LRRC56: variants seen among roughly 807,000 people sequenced by gnomAD.
LRRC56 encodes leucine-rich repeat-containing protein 56.
In LRRC56, 41 loss-of-function variants were observed where a neutral mutation model predicts 47.8. The ratio of observed to expected loss-of-function variants is 0.86; its 90% CI spans 0.67 to 1.11. The LOEUF (loss-of-function observed/expected upper bound fraction) is 1.11. LRRC56 is among the 50% of genes most tolerant of loss of function. LRRC56 has a pLI of 0.00. For synonymous variants in LRRC56, 387 were observed against 311.2 expected, an observed-to-expected ratio of 1.24 and a Z score of -2.56; for missense variants, 759 against 704.2, an observed-to-expected ratio of 1.08 and a Z score of -0.88.
the LRRC56 span, chr11:532,388 G>A: frequency 1.7e-6 from 1 of 596,282 alleles, no homozygotes; most frequent in East Asian, 2.8e-5. Context: ...AGGGTCTGCA[G>A]TCACCTCGGC....
the LRRC56 span, among the ~76,000 whole-genome samples, chr11:511,709 A>G: frequency 3.3e-5 from 5 of 152,220 alleles, no homozygotes; most frequent in African/African-American, 9.6e-5. Context: ...TGGGGGCCTC[A>G]GATACAAGAT....
chr11:534,030 GCCCCTCATGC>G, upstream of LRRC56: 1 of 1,410,290 alleles, frequency 7.1e-7, no homozygotes, highest in Non-Finnish European at 9.9e-7. Flanking sequence ...TACCTCTCAT[GCCCCTCATGC>G]CCCCTCCTCT....
At position 540,731 on chromosome 11, in the gene LRRC56, C is replaced by A; in HGVS notation, c.47C>A (p.Ser16Tyr). Residue 16 changes from serine to tyrosine, a missense_variant, in exon 4 of 14, where the codon TCC becomes TAC. By Grantham distance (144) the Ser-to-Tyr change is moderately radical (BLOSUM62 -2). Coordinates refer to ENST00000270115, the MANE Select transcript of LRRC56 (RefSeq NM_198075.4). ...TCCCGTGGGCCTCGGCGGAGCACCT[C>A]CAGCGTCCGGGTGCGGGAGCTGAGC... ...DRSRGPRRST[S>Y]SVRVRELSWQ... The A allele has an allele frequency of 6.2e-7, 1 of 1,612,564 alleles. No individual in the cohort carries two copies. Among genetic ancestry groups the A allele is most frequent in the Non-Finnish European group, 8.5e-7 (1 of 1,179,844 alleles).
At chr11:533,807 G>A (rs111372582), upstream of LRRC56, 69 of 1,613,252 alleles carry the variant, frequency 4.3e-5, no homozygotes, top group Non-Finnish European at 5.6e-5. Flanking sequence ...TGTTGTTGAT[G>A]GCAAACACAC....
rs555652106 is a variant in LRRC56 at position 551,237 on chromosome 11, G to A, written c.731G>A (p.Arg244Gln). The change falls in exon 9 of 14, where the codon CGG becomes CAG. Residue 244 changes from arginine (R) to glutamine (Q), a missense_variant. Transcript: ENST00000270115. ...CACACAGGCCCACCGGCCCCCCCGC[G>A]GCTGAGCCAGGACTGGCTTGCGGTG... ...AAHTGPPAPP[R>Q]LSQDWLAVKE... is the part of the protein sequence containing the mutation. 1.4e-5 allele frequency: 21 copies of A among 1,545,242 alleles called. No homozygotes were observed. In the African/African-American group the frequency reaches 1.9e-4, roughly 14 times the overall value.
At chr11:549,107 C>T (rs1462530984) in intron 6 of LRRC56, among the ~76,000 whole-genome samples, 1 of 152,134 alleles carries the variant, frequency 6.6e-6, no homozygotes, top group African/African-American at 2.4e-5. Context: ...GCTGAAAACA[C>T]AGTGGGCGGA....
At chr11:508,519 C>A in the LRRC56 span, among the ~76,000 whole-genome samples, 5 of 152,338 alleles carry the variant, frequency 3.3e-5, no homozygotes, top group South Asian at 1.0e-3. Context: ...GTAACCCCAA[C>A]ACTTTGGGAG....
intron 5 of LRRC56, among the ~76,000 whole-genome samples, chr11:543,879 G>T (rs1395827124): frequency 6.6e-6 from 1 of 152,178 alleles, no homozygotes; most frequent in Admixed American, 6.5e-5. Context: ...CTCCCGTGTA[G>T]CTGGGACTAC....
chr11:534,589 G>A (rs1467182915), upstream of LRRC56: 12 of 565,232 alleles, frequency 2.1e-5, no homozygotes, highest in Non-Finnish European at 1.9e-5. Flanking sequence ...ACCCAGTGAT[G>A]GGAAAAGGGA....
At position 541,522 on chromosome 11, in the gene LRRC56, G is replaced by A. The variant is rs372325567; in HGVS notation, c.178-15G>A. The A allele has an allele frequency of 4.2e-5, 64 of 1,515,472 alleles. No homozygotes were observed. Among genetic ancestry groups the A allele is most frequent in the Non-Finnish European group, 5.4e-5 (61 of 1,119,538 alleles). 93.9% of individuals were successfully genotyped at this position (1,515,472 alleles called of 1,614,324 possible). A position where few individuals can be genotyped will look rare whatever the true frequency, so the allele number is the denominator to read the frequency against. On this transcript the variant is annotated splice_polypyrimidine_tract_variant and intron_variant, in intron 4 of 13. Coordinates refer to ENST00000270115, the MANE Select transcript of LRRC56 (RefSeq NM_198075.4). This position sits in a 1 kb window ranked among gnomAD's most constrained non-coding sequence, Gnocchi z 4.1. ...AGAGCCAGGACCAGCGCTGACCCCC[G>A]GTTGGTTTCTACAGCAGGCCCTGGC...
intron 13 of LRRC56, 93 bp downstream of exon 13, chr11:552,795 C>T: frequency 1.9e-6 from 2 of 1,068,006 alleles, no homozygotes; most frequent in Non-Finnish European, 2.7e-6. Flanking sequence ...GATGTGTCAA[C>T]CTGGCCCTGC....
chr11:539,128 T>G (rs1851659830), intron 2 of LRRC56, among the ~76,000 whole-genome samples: 1 of 152,248 alleles, frequency 6.6e-6, no homozygotes, highest in Non-Finnish European at 1.5e-5. Context: ...TCGCCCAGGC[T>G]GGAGTGCAGT....
At chr11:548,052 G>A (rs1852179185) in intron 6 of LRRC56, among the ~76,000 whole-genome samples, 1 of 152,148 alleles carries the variant, frequency 6.6e-6, no homozygotes, top group South Asian at 2.1e-4. Flanking sequence ...CTTGAACCTG[G>A]GAGGCAGAGG....
chr11:524,705 C>T, the LRRC56 span, among the ~76,000 whole-genome samples: 1 of 152,200 alleles, frequency 6.6e-6, no homozygotes. Flanking sequence ...AGTGTGGGAA[C>T]AACTGGGCAT....
the LRRC56 span, among the ~76,000 whole-genome samples, chr11:522,760 T>C: frequency 6.6e-6 from 1 of 152,182 alleles, no homozygotes; most frequent in Admixed American, 6.5e-5. Flanking sequence ...TCTTTTCTTT[T>C]GAGACAGAGT....
the LRRC56 span, among the ~76,000 whole-genome samples, chr11:527,643 T>C: frequency 6.6e-6 from 1 of 151,652 alleles, no homozygotes; most frequent in Non-Finnish European, 1.5e-5. Context: ...GCCATTCTCC[T>C]GCCTCAGCCT....
chr11:521,784 G>A, the LRRC56 span, among the ~76,000 whole-genome samples: 2,058 of 152,050 alleles, frequency 0.014, 25 homozygotes, highest in Middle Eastern at 0.034. Flanking sequence ...ACGTGGTGGC[G>A]AGCGCCTGTA....
At chr11:536,484 A>G (rs1851499695), upstream of LRRC56, among the ~76,000 whole-genome samples, 1 of 152,238 alleles carries the variant, frequency 6.6e-6, no homozygotes, top group African/African-American at 2.4e-5. Flanking sequence ...TAAAAAACAA[A>G]AAGGGCCGGG....
At chr11:539,550 ATTTT>A (rs5789201) in intron 2 of LRRC56, 26 bp from the exon 3 acceptor site, 27,146 of 129,326 alleles carry the variant, frequency 0.21, 2,914 homozygotes, top group Admixed American at 0.28. Context: ...ACGCCAGCTA[ATTTT>A]TTTTTTTTTT....
Sources: allele counts gnomAD v4.1 joint callset (sites outside exome capture counted in the v4.1 genomes callset), GRCh38; gene constraint gnomAD v4.1.1; non-coding constraint Gnocchi (gnomAD v3.1); transcripts MANE v1.5; gene names NCBI Gene and HGNC (gene_info 2026-07-23, HGNC 2026-07-21).